The following ARHGAP39 variants were observed in gnomAD, a reference collection of about 807,000 sequenced individuals.
The protein encoded by ARHGAP39 is rho GTPase-activating protein 39.
ARHGAP39 carries 44 observed loss-of-function variants against 106.9 expected under a neutral mutation model. The ratio of observed to expected loss-of-function variants is 0.41; its 90% CI spans 0.32 to 0.53. The LOEUF (loss-of-function observed/expected upper bound fraction) is 0.53. ARHGAP39 is among the 20% of genes least tolerant of loss of function. The probability of loss-of-function intolerance (pLI) is 0.21; values close to 1 mark genes in which losing one functional copy is unlikely to be tolerated. For synonymous variants in ARHGAP39, 768 were observed against 693.2 expected, an observed-to-expected ratio of 1.11 and a Z score of -1.69; for missense variants, 1,496 against 1,577.3, an observed-to-expected ratio of 0.95 and a Z score of 0.87.
At chr8:144,602,650 ACCTG>A (rs1820072623) in intron 2 of ARHGAP39, among the ~76,000 whole-genome samples, 1 of 86,896 alleles carries the variant, frequency 1.2e-5, no homozygotes, top group Admixed American at 1.5e-4. Flanking sequence ...GTGCTCGTGT[ACCTG>A]TGTGCATGGA....
rs753738620 is a variant in ARHGAP39 at position 144,645,629 on chromosome 8, C to T, written c.-81-39934G>A. ...GTCCCATGAATGTCATCATCCCAGA[C>T]GTGTTAGGAATGAAAGACATGACAT... On this transcript the variant is annotated intron_variant, in intron 1 of 11. Transcript: ENST00000377307. This position sits in a 1 kb window ranked among gnomAD's most constrained non-coding sequence, Gnocchi z 4.4. Among the ~76,000 whole-genome samples the T allele has an allele frequency of 2.0e-5, 3 of 152,256 alleles. No homozygotes were observed. Among genetic ancestry groups the T allele is most frequent in the South Asian group, 2.1e-4 (1 of 4,832 alleles).
intron 1 of ARHGAP39, among the ~76,000 whole-genome samples, chr8:144,615,314 C>G (rs1820605110): frequency 6.6e-6 from 1 of 152,076 alleles, no homozygotes; most frequent in African/African-American, 2.4e-5. Flanking sequence ...AGTGAGACCC[C>G]CTTCTCTAAA....
chr8:144,636,211 C>A lies in ARHGAP39; in HGVS notation c.-81-30516G>T, dbSNP rs530593279. Among the ~76,000 whole-genome samples, 13 of 152,310 alleles carry A rather than the reference C, an allele frequency of 8.5e-5. 1 individual carries two copies. Among genetic ancestry groups the A allele is most frequent in the Admixed American group, 7.8e-4 (12 of 15,304 alleles). On this transcript the variant is annotated intron_variant, in intron 1 of 11. Transcript: ENST00000377307. ...CTGATTTGTGGCTGGTATGGAGAAA[C>A]CCTTCTTGGTGACCACAGGTAGATA...
At chr8:144,682,087 T>G (rs1461872811) in intron 1 of ARHGAP39, among the ~76,000 whole-genome samples, 2 of 149,288 alleles carry the variant, frequency 1.3e-5, no homozygotes, top group East Asian at 3.9e-4. Context: ...GCTAACACGG[T>G]GAAACCCCGT....
chr8:144,532,472 C>A, intron 9 of ARHGAP39, 76 bp from the exon 10 acceptor site: 1 of 1,340,674 alleles, frequency 7.5e-7, no homozygotes, highest in African/African-American at 1.4e-5. Context: ...ACACTCCCTC[C>A]GGTAGGCCCC....
rs1399333957 is a variant in ARHGAP39 at position 144,547,028 on chromosome 8, C to T, written c.1959+99G>A. ...TTCAGAACTCTGCGTGCTGCGTGCA[C>T]GCCCTGGACGCCAGGTCTCCTGTGC... On this transcript the variant is annotated intron_variant, in intron 5 of 11. Transcript: ENST00000377307. This position sits in a 1 kb window ranked among gnomAD's most constrained non-coding sequence, Gnocchi z 5.2. 2.2e-6 allele frequency: 3 copies of T among 1,386,610 alleles called. No homozygotes were observed. The highest frequency in any genetic ancestry group is 2.8e-5 in the Admixed American group (1 of 35,094). The allele number at this position is 1,386,610 out of a possible 1,614,324, so 85.9% of individuals were successfully genotyped here.
the ARHGAP39 span, among the ~76,000 whole-genome samples, chr8:144,696,339 A>G: frequency 6.7e-6 from 1 of 149,570 alleles, no homozygotes; most frequent in Non-Finnish European, 1.5e-5. Context: ...GGGTTTCGCC[A>G]CGTTGCCCAG....
intron 1 of ARHGAP39, among the ~76,000 whole-genome samples, chr8:144,656,844 C>G (rs112554473): frequency 0.094 from 13,075 of 139,694 alleles, 1,595 homozygotes; most frequent in African/African-American, 0.27. Context: ...TGAGTCTAAG[C>G]GTATATAAGA....
At chr8:144,657,515 C>T (rs913879431) in intron 1 of ARHGAP39, among the ~76,000 whole-genome samples, 4 of 152,176 alleles carry the variant, frequency 2.6e-5, no homozygotes, top group African/African-American at 4.8e-5. Flanking sequence ...ATATGCTGAT[C>T]TCAAAACCAG....
chr8:144,606,653 C>CG (rs1187811751), intron 1 of ARHGAP39, among the ~76,000 whole-genome samples: 2 of 151,636 alleles, frequency 1.3e-5, no homozygotes, highest in Non-Finnish European at 2.9e-5. Context: ...GAGGTGACTG[C>CG]GGAGGAGGAG....
chr8:144,603,478 C>G (rs1330073967), intron 2 of ARHGAP39, among the ~76,000 whole-genome samples: 1 of 152,012 alleles, frequency 6.6e-6, no homozygotes, highest in Non-Finnish European at 1.5e-5. Flanking sequence ...ATCACGAGGT[C>G]AGGAGTTCAA....
intron 5 of ARHGAP39, among the ~76,000 whole-genome samples, chr8:144,546,498 A>G (rs944829594): frequency 6.6e-6 from 1 of 152,082 alleles, no homozygotes; most frequent in African/African-American, 2.4e-5. Context: ...CCGGGTCCTC[A>G]GACGCTAGGC....
chr8:144,544,484 A>ATG (rs149550837), intron 6 of ARHGAP39, among the ~76,000 whole-genome samples: 3 of 151,930 alleles, frequency 2.0e-5, no homozygotes, highest in Non-Finnish European at 2.9e-5. Context: ...GCGTGCGTGC[A>ATG]TGTGTGTGTG....
chr8:144,570,402 AC>A (rs1818545663), intron 3 of ARHGAP39, among the ~76,000 whole-genome samples: 1 of 152,236 alleles, frequency 6.6e-6, no homozygotes, highest in South Asian at 2.1e-4. Flanking sequence ...TACATCATTT[AC>A]AAGAAATAGA....
chr8:144,662,586 T>C (rs1177840094), intron 1 of ARHGAP39, among the ~76,000 whole-genome samples: 2 of 148,000 alleles, frequency 1.4e-5, no homozygotes, highest in Non-Finnish European at 3.0e-5. Flanking sequence ...CTTATCCACC[T>C]TGGACCACTC....
intron 1 of ARHGAP39, among the ~76,000 whole-genome samples, chr8:144,609,397 CTTTTTTTTTTT>C (rs779442641): frequency 8.2e-6 from 1 of 121,332 alleles, no homozygotes; most frequent in Admixed American, 8.8e-5. Flanking sequence ...ATGTATTGTC[CTTTTTTTTTTT>C]TTTTTTTTTT....
At chr8:144,667,580 T>C (rs1053072838) in intron 1 of ARHGAP39, among the ~76,000 whole-genome samples, 1 of 152,204 alleles carries the variant, frequency 6.6e-6, no homozygotes, top group Non-Finnish European at 1.5e-5. Context: ...CTGTGTACAC[T>C]AAGTCTCAAT....
intron 2 of ARHGAP39, among the ~76,000 whole-genome samples, chr8:144,602,345 G>T: frequency 7.2e-6 from 1 of 139,382 alleles, no homozygotes; most frequent in Non-Finnish European, 1.5e-5. Flanking sequence ...TCGTGTACCT[G>T]TATGCATGTG....
intron 6 of ARHGAP39, among the ~76,000 whole-genome samples, chr8:144,541,992 A>G (rs1163331417): frequency 6.6e-6 from 1 of 151,800 alleles, no homozygotes; most frequent in Non-Finnish European, 1.5e-5. Flanking sequence ...TTGCCTTTAA[A>G]AAATGGCTTC....
Sources: allele counts gnomAD v4.1 joint callset (sites outside exome capture counted in the v4.1 genomes callset), GRCh38; gene constraint gnomAD v4.1.1; non-coding constraint Gnocchi (gnomAD v3.1); transcripts MANE v1.5; gene names NCBI Gene and HGNC (gene_info 2026-07-23, HGNC 2026-07-21).